Variants in PLXDC2 observed in about 807,000 individuals in gnomAD.
PLXDC2 encodes the protein plexin domain-containing protein 2.
PLXDC2 carries 40 observed loss-of-function variants against 68.9 expected under a neutral mutation model. The observed-to-expected ratio is 0.58, with a 90% confidence interval of 0.45 to 0.76. The LOEUF (loss-of-function observed/expected upper bound fraction) is 0.76. PLXDC2 is among the 30% of genes least tolerant of loss of function. The pLI is 0.00. For synonymous variants in PLXDC2, 243 were observed against 234.2 expected, an observed-to-expected ratio of 1.04 and a Z score of -0.34; for missense variants, 644 against 661.9, an observed-to-expected ratio of 0.97 and a Z score of 0.30.
intron 1 of PLXDC2, among the ~76,000 whole-genome samples, chr10:19,829,726 T>C (rs556952469): frequency 1.3e-5 from 2 of 151,892 alleles, no homozygotes; most frequent in African/African-American, 4.8e-5. Context: ...AGACTCCATA[T>C]CAAAAGTAAA....
chr10:19,824,506 G>A (rs1181947227), intron 1 of PLXDC2, among the ~76,000 whole-genome samples: 1 of 152,092 alleles, frequency 6.6e-6, no homozygotes, highest in Non-Finnish European at 1.5e-5. Context: ...CAGCCCTTTG[G>A]CTTTATTCTG....
chr10:19,828,175 A>G (rs1176003948), intron 1 of PLXDC2, among the ~76,000 whole-genome samples: 1 of 152,208 alleles, frequency 6.6e-6, no homozygotes, highest in Non-Finnish European at 1.5e-5. Flanking sequence ...CAACGCTCCA[A>G]TCAAGACTTT....
At chr10:20,104,822 G>A (rs1421100770) in intron 4 of PLXDC2, among the ~76,000 whole-genome samples, 1 of 152,084 alleles carries the variant, frequency 6.6e-6, no homozygotes, top group Non-Finnish European at 1.5e-5. Context: ...GGAAGCTGAG[G>A]CAAGTGGATC....
intron 6 of PLXDC2, among the ~76,000 whole-genome samples, chr10:20,149,717 C>T (rs1564333620): frequency 6.6e-6 from 1 of 152,084 alleles, no homozygotes; most frequent in African/African-American, 2.4e-5. Flanking sequence ...TAATGGCCTC[C>T]AGCTCCATCC....
intron 1 of PLXDC2, among the ~76,000 whole-genome samples, chr10:19,921,516 C>T (rs560545443): frequency 6.6e-6 from 1 of 152,330 alleles, no homozygotes; most frequent in South Asian, 2.1e-4. Flanking sequence ...AGAGCACAGA[C>T]TCTCAGATGA....
At chr10:19,910,966 G>A (rs1833259809) in intron 1 of PLXDC2, among the ~76,000 whole-genome samples, 2 of 152,062 alleles carry the variant, frequency 1.3e-5, no homozygotes, top group South Asian at 4.1e-4. Flanking sequence ...CTGAGATCAT[G>A]CCACTGCACT....
In PLXDC2 at chr10:19,829,154, C is replaced by CTTT. The variant is rs71388870; in HGVS notation, c.112+11986_112+11988dup. 6.2e-3 allele frequency among the ~76,000 whole-genome samples: 580 copies of CTTT among 94,276 alleles called. 2 individuals are homozygous for CTTT. Among genetic ancestry groups the CTTT allele is most frequent in the East Asian group, 0.018 (52 of 2,928 alleles). 61.8% of individuals were successfully genotyped at this position (94,276 alleles called of 152,430 possible). A position where few individuals can be genotyped will look rare whatever the true frequency, so the allele number is the denominator to read the frequency against. On this transcript the variant is annotated intron_variant, in intron 1 of 13. Coordinates refer to ENST00000377252, the MANE Select transcript of PLXDC2 (RefSeq NM_032812.9). ...ACCTCTTTTTGGTGCACGCTTTCCT[C>CTTT]TTTTTTTTTTTTTTTTTTTTTTTTT... is the stretch of plus-strand genomic sequence containing the variant.
intron 1 of PLXDC2, among the ~76,000 whole-genome samples, chr10:19,977,736 A>G (rs778163501): frequency 1.1e-4 from 17 of 151,968 alleles, no homozygotes; most frequent in Non-Finnish European, 2.1e-4. Context: ...CTCACATGGC[A>G]GAGGGGGTGG....
intron 4 of PLXDC2, among the ~76,000 whole-genome samples, chr10:20,074,357 G>T (rs565683166): frequency 6.6e-6 from 1 of 152,002 alleles, no homozygotes; most frequent in African/African-American, 2.4e-5. Context: ...CATTTAACAA[G>T]TCAAACAGGC....
intron 3 of PLXDC2, among the ~76,000 whole-genome samples, chr10:20,067,951 C>T (rs1836242578): frequency 6.6e-6 from 1 of 152,060 alleles, no homozygotes; most frequent in Non-Finnish European, 1.5e-5. Context: ...AACTAAAATG[C>T]CGTGGTGATG....
intron 7 of PLXDC2, among the ~76,000 whole-genome samples, chr10:20,175,036 A>C (rs190276517): frequency 2.0e-5 from 3 of 152,290 alleles, no homozygotes; most frequent in African/African-American, 7.2e-5. Flanking sequence ...GAGAAAAATT[A>C]CTAGAAGTTT....
intron 1 of PLXDC2, among the ~76,000 whole-genome samples, chr10:19,979,982 T>C: frequency 6.6e-6 from 1 of 152,218 alleles, no homozygotes; most frequent in East Asian, 1.9e-4. Flanking sequence ...TTTTCTTAGT[T>C]AGTGTCGTAT....
At chr10:20,155,375 C>G (rs1308940406) in intron 6 of PLXDC2, among the ~76,000 whole-genome samples, 1 of 152,140 alleles carries the variant, frequency 6.6e-6, no homozygotes, top group Non-Finnish European at 1.5e-5. Context: ...AGGTAATTTC[C>G]TTCTATAACT....
chr10:19,853,654 G>GC (rs1296766556), intron 1 of PLXDC2, among the ~76,000 whole-genome samples: 1 of 26,774 alleles, frequency 3.7e-5, no homozygotes, highest in Non-Finnish European at 6.3e-5. Flanking sequence ...GCTTTGGGTG[G>GC]GGGGGGGGTT....
intron 9 of PLXDC2, among the ~76,000 whole-genome samples, chr10:20,207,298 TA>T (rs149069349): frequency 0.031 from 4,784 of 152,330 alleles, 88 homozygotes; most frequent in Middle Eastern, 0.071. Flanking sequence ...GATTAATTAA[TA>T]AATCAAACAA....
At chr10:20,001,741 G>T in intron 1 of PLXDC2, 34 bp from the exon 2 acceptor site, 1 of 1,593,218 alleles carries the variant, frequency 6.3e-7, no homozygotes, top group South Asian at 1.1e-5. Flanking sequence ...TACACATAAT[G>T]AGTGGTAACC....
chr10:19,832,440 T>C (rs1444729013), intron 1 of PLXDC2, among the ~76,000 whole-genome samples: 1 of 152,260 alleles, frequency 6.6e-6, no homozygotes, highest in Non-Finnish European at 1.5e-5. Flanking sequence ...CTAGCCATTA[T>C]ATCTCATATT....
At chr10:19,962,301 C>T (rs2131603542) in intron 1 of PLXDC2, among the ~76,000 whole-genome samples, 1 of 135,752 alleles carries the variant, frequency 7.4e-6, no homozygotes, top group Non-Finnish European at 1.5e-5. Flanking sequence ...TATCTTACAA[C>T]AGTAATATGA....
At chr10:20,135,654 G>A (rs2131780818) in intron 4 of PLXDC2, among the ~76,000 whole-genome samples, 1 of 152,192 alleles carries the variant, frequency 6.6e-6, no homozygotes, top group Non-Finnish European at 1.5e-5. Flanking sequence ...CTGGAGCTGT[G>A]GAGAGCCTCT....
Sources: allele counts gnomAD v4.1 joint callset (sites outside exome capture counted in the v4.1 genomes callset), GRCh38; gene constraint gnomAD v4.1.1; transcripts MANE v1.5; gene names NCBI Gene and HGNC (gene_info 2026-07-23, HGNC 2026-07-21).